GAS2L3: variants seen among roughly 807,000 people sequenced by gnomAD.
GAS2L3 encodes the protein GAS2-like protein 3.
A neutral mutation model predicts 37.0 loss-of-function variants in GAS2L3; 28 were observed. The ratio of observed to expected loss-of-function variants is 0.76; its 90% CI spans 0.56 to 1.04. The LOEUF is 1.04. Ranked by LOEUF, GAS2L3 falls within the 50% of genes least tolerant of loss-of-function variation. The probability of loss-of-function intolerance (pLI) is 0.00; values close to 1 mark genes in which losing one functional copy is unlikely to be tolerated. For synonymous variants in GAS2L3, 290 were observed against 296.6 expected, an observed-to-expected ratio of 0.98 and a Z score of 0.23; for missense variants, 793 against 817.6, an observed-to-expected ratio of 0.97 and a Z score of 0.37.
intron 9 of GAS2L3, 140 bp downstream of exon 9, chr12:100,622,522 G>C: frequency 6.0e-6 from 3 of 504,154 alleles, no homozygotes; most frequent in Non-Finnish European, 7.1e-6. Flanking sequence ...CACTGTACAG[G>C]GAAAATGGAG....
At chr12:100,605,172 T>C (rs1175157687) in intron 5 of GAS2L3, among the ~76,000 whole-genome samples, 1 of 152,062 alleles carries the variant, frequency 6.6e-6, no homozygotes, top group Non-Finnish European at 1.5e-5. Flanking sequence ...TTGCTATTAG[T>C]TCTTTAAATG....
At position 100,618,508 on chromosome 12, in the gene GAS2L3, C is replaced by T. The variant is rs763214878; in HGVS notation, c.569C>T (p.Thr190Ile). 1 of 1,612,706 alleles carries T rather than the reference C, an allele frequency of 6.2e-7. No individual in the cohort carries two copies. The highest frequency in any genetic ancestry group is 8.5e-7 in the Non-Finnish European group (1 of 1,179,312). Reference protein sequence around the residue: ...KLEKEIELEETLLNTSGPEDS... With the variant: ...KLEKEIELEEILLNTSGPEDS... ...GAGAAAGAAATTGAGTTAGAAGAGA[C>T]TTTGCTTAATACTTCTGGGCCTGAA... is the stretch of plus-strand genomic sequence containing the variant. Residue 190 changes from threonine to isoleucine, a missense_variant, in exon 8 of 10, where the codon ACT (threonine) becomes ATT (isoleucine). Physicochemically the swap from Thr to Ile is moderately conservative, Grantham distance 89. Coordinates refer to ENST00000547754, the MANE Select transcript of GAS2L3 (RefSeq NM_174942.3).
rs1956313735 is a variant in GAS2L3 at position 100,624,794 on chromosome 12, G to A, written c.1989G>A (p.Lys663=). 2 of 1,613,686 alleles carry A rather than the reference G, an allele frequency of 1.2e-6. No individual in the cohort carries two copies. The highest frequency in any genetic ancestry group is 1.7e-6 in the Non-Finnish European group (2 of 1,179,922). Residue 663 remains lysine (K), a synonymous_variant, in exon 10 of 10, where the codon AAG becomes AAA. Coordinates refer to ENST00000547754, the MANE Select transcript of GAS2L3 (RefSeq NM_174942.3). ...ASIRKPPSSV[K]DADSGDKKPT... ...TCAGGAAACCACCCTCATCTGTTAAGGATGCAGATAGTGGAGATAAAAAAC... is the reference window on the plus strand; with the variant it reads ...TCAGGAAACCACCCTCATCTGTTAAAGATGCAGATAGTGGAGATAAAAAAC...
Position 100,600,456 on chromosome 12 carries a change from T to A in GAS2L3, c.93T>A (p.Asn31Lys), listed in dbSNP as rs1200605724. Residue 31 changes from asparagine to lysine, a missense_variant, in exon 4 of 10, where the codon AAT becomes AAA. Asn to Lys is a moderately conservative substitution (Grantham distance 94, BLOSUM62 0). Coordinates refer to ENST00000547754, the MANE Select transcript of GAS2L3 (RefSeq NM_174942.3). ...LTPRHGPGLANVCQYDEWIAV... is the reference protein window; with the variant it reads ...LTPRHGPGLAKVCQYDEWIAV... Reference sequence around the variant, plus strand: ...CCAGACACGGACCAGGATTGGCTAATGTTTGTCAGTACGATGAGTGGATAG... The same window carrying A: ...CCAGACACGGACCAGGATTGGCTAAAGTTTGTCAGTACGATGAGTGGATAG... The A allele has an allele frequency of 1.9e-6, 3 of 1,613,356 alleles. No individual in the cohort carries two copies. The African/African-American group carries it at 4.0e-5, about 22-fold the overall frequency.
At chr12:100,605,079 T>C (rs930469346) in intron 5 of GAS2L3, among the ~76,000 whole-genome samples, 5 of 152,098 alleles carry the variant, frequency 3.3e-5, no homozygotes, top group South Asian at 2.1e-4. Context: ...TGTCTTTGTC[T>C]GGTTTTGGTA....
chr12:100,618,800 T>C (rs1956219542), intron 8 of GAS2L3: 2 of 457,498 alleles, frequency 4.4e-6, no homozygotes. Context: ...AATAAATGTG[T>C]AGTTGAGGAG....
chr12:100,577,857 G>A (rs1033470491), intron 1 of GAS2L3, among the ~76,000 whole-genome samples: 3 of 152,208 alleles, frequency 2.0e-5, no homozygotes, highest in Non-Finnish European at 4.4e-5. Flanking sequence ...CAGCAAGTGC[G>A]AAGACCTAGA....
chr12:100,622,749 TAAAA>T, intron 9 of GAS2L3, among the ~76,000 whole-genome samples: 5,893 of 25,078 alleles, frequency 0.23, 17 homozygotes, highest in Middle Eastern at 0.29. Flanking sequence ...GTATCCATAG[TAAAA>T]AAAAAAAAAA....
chr12:100,582,902 C>T (rs1054075192), intron 1 of GAS2L3, among the ~76,000 whole-genome samples: 5 of 152,156 alleles, frequency 3.3e-5, no homozygotes, highest in Non-Finnish European at 7.4e-5. Flanking sequence ...CTCCCTCCTC[C>T]GTCTTCACAG....
At chr12:100,576,205 A>G (rs1453001479) in intron 1 of GAS2L3, among the ~76,000 whole-genome samples, 2 of 151,958 alleles carry the variant, frequency 1.3e-5, no homozygotes, top group African/African-American at 4.8e-5. Flanking sequence ...CCTCATTTAT[A>G]TTTTCTCATT....
At position 100,580,035 on chromosome 12, in the gene GAS2L3, G is replaced by A. The variant is rs192059267; in HGVS notation, c.-152+6250G>A. 7.2e-5 allele frequency: 103 copies of A among 1,437,316 alleles called. No individual in the cohort carries two copies. In the Admixed American group the frequency reaches 1.1e-3, roughly 15 times the overall value. The allele number at this position is 1,437,316 out of a possible 1,614,324, so 89.0% of individuals were successfully genotyped here. On this transcript the variant is annotated intron_variant, in intron 1 of 9. Transcript: ENST00000547754. ...AACAGGCTACATCTTTGCTTTGTTG[G>A]CTGTTTTCAACTTCCTCTTCCTCAT...
intron 1 of GAS2L3, among the ~76,000 whole-genome samples, chr12:100,576,253 T>A (rs1412790148): frequency 6.6e-6 from 1 of 152,198 alleles, no homozygotes; most frequent in Non-Finnish European, 1.5e-5. Flanking sequence ...ACTAAGCTAC[T>A]CTTCCTTTTT....
Position 100,622,303 on chromosome 12 carries a change from G to C in GAS2L3, c.677G>C (p.Cys226Ser), listed in dbSNP as rs1161578894. ...AAACATATTGCTGAGGACCCTCCTT[G>C]TAGTTGTTCTCATCGATTTTCTATT... ...AVKHIAEDPP[C>S]SCSHRFSIEY... Residue 226 changes from cysteine (C) to serine (S), a missense_variant, in exon 9 of 10, where the codon TGT (cysteine) becomes TCT (serine). Physicochemically the swap from Cys to Ser is moderately radical, Grantham distance 112. Coordinates refer to ENST00000547754, the MANE Select transcript of GAS2L3 (RefSeq NM_174942.3). 6.2e-7 allele frequency: 1 copy of C among 1,602,454 alleles called. No individual in the cohort carries two copies. Among genetic ancestry groups the C allele is most frequent in the Non-Finnish European group, 8.5e-7 (1 of 1,170,424 alleles).
chr12:100,601,630 G>A lies in GAS2L3; in HGVS notation c.188-8G>A. 8.7e-7 allele frequency: 1 copy of A among 1,150,740 alleles called. No homozygotes were observed. Among genetic ancestry groups the A allele is most frequent in the Non-Finnish European group, 1.3e-6 (1 of 760,366 alleles). The allele number at this position is 1,150,740 out of a possible 1,614,324, so 71.3% of individuals were successfully genotyped here. ...TAGAAGATTCTTAACTTTGAAATAT[G>A]TTTTTAGGTATTAAAGTTAAGGCAG... On this transcript the variant is annotated splice_polypyrimidine_tract_variant and splice_region_variant and intron_variant, in intron 4 of 9. Transcript: ENST00000547754.
At chr12:100,613,600 T>C (rs1227666790) in intron 6 of GAS2L3, among the ~76,000 whole-genome samples, 7 of 146,878 alleles carry the variant, frequency 4.8e-5, no homozygotes, top group African/African-American at 1.2e-4. Flanking sequence ...ATTTCTTTCT[T>C]TTTTTTTTTT....
intron 2 of GAS2L3, 149 bp downstream of exon 2, chr12:100,592,005 G>A (rs1249077209): frequency 2.0e-5 from 3 of 152,046 alleles, no homozygotes; most frequent in East Asian, 1.9e-4. Flanking sequence ...CAGAAAGGAT[G>A]TTTTCTTCAA....
intron 9 of GAS2L3, among the ~76,000 whole-genome samples, chr12:100,622,790 A>AAAAAC (rs1956275625): frequency 6.8e-6 from 1 of 147,704 alleles, no homozygotes; most frequent in Non-Finnish European, 1.5e-5. Context: ...AAAGAAAAGA[A>AAAAAC]AGAAGTGTAG....
At chr12:100,605,092 A>G (rs1956040231) in intron 5 of GAS2L3, among the ~76,000 whole-genome samples, 1 of 152,048 alleles carries the variant, frequency 6.6e-6, no homozygotes, top group Non-Finnish European at 1.5e-5. Context: ...TTTTGGTATA[A>G]TACTGGCCTC....
intron 5 of GAS2L3, among the ~76,000 whole-genome samples, chr12:100,607,326 T>C (rs1187956096): frequency 1.3e-5 from 2 of 152,208 alleles, no homozygotes; most frequent in African/African-American, 4.8e-5. Flanking sequence ...ATTATTTGTT[T>C]CTTTTCTCTT....
Sources: allele counts gnomAD v4.1 joint callset (sites outside exome capture counted in the v4.1 genomes callset), GRCh38; gene constraint gnomAD v4.1.1; transcripts MANE v1.5; gene names NCBI Gene and HGNC (gene_info 2026-07-23, HGNC 2026-07-21).